STEAP3: variants seen among roughly 807,000 people sequenced by gnomAD.
STEAP3 encodes STEAP3 metalloreductase, also known as metalloreductase STEAP3.
STEAP3 carries 35 observed loss-of-function variants against 34.9 expected under a neutral mutation model. The observed-to-expected ratio is 1.00, with a 90% CI of 0.76 to 1.33. The LOEUF is 1.33. Ranked by LOEUF, STEAP3 falls within the 40% of genes most tolerant of loss-of-function variation. The pLI is 0.00. For missense variants in STEAP3, 652 were observed against 667.6 expected (o/e 0.98, Z 0.26); for synonymous variants, 281 against 301.6 (o/e 0.93, Z 0.71).
At chr2:119,241,551 T>C (rs1310296545) in intron 2 of STEAP3, among the ~76,000 whole-genome samples, 1 of 152,232 alleles carries the variant, frequency 6.6e-6, no homozygotes, top group Non-Finnish European at 1.5e-5. Context: ...CTAGGACTTT[T>C]CATAGCACCC....
rs1277503694 is a variant in STEAP3 at position 119,264,310 on chromosome 2, G to C, written c.*972G>C. 6.6e-6 allele frequency: 1 copy of C among 152,538 alleles called. No homozygotes were observed. Among genetic ancestry groups the C allele is most frequent in the African/African-American group, 2.4e-5 (1 of 41,440 alleles). The allele number at this position is 152,538 out of a possible 1,614,324, so 9.4% of individuals were successfully genotyped here. On this transcript the variant is annotated 3_prime_UTR_variant, in exon 6 of 6. Coordinates refer to ENST00000393110, the MANE Select transcript of STEAP3 (RefSeq NM_182915.3). ...GTAAAGCTCCCCGGGCGTCAGAGTT[G>C]AGCCCTGCCTGGGCTGAAGGACTGT... is the stretch of plus-strand genomic sequence containing the variant.
intron 2 of STEAP3, among the ~76,000 whole-genome samples, chr2:119,236,070 T>A (rs546705778): frequency 6.6e-6 from 1 of 152,358 alleles, no homozygotes; most frequent in East Asian, 1.9e-4. Context: ...GAAATGGGCA[T>A]GTACCTCCAG....
In STEAP3 at chr2:119,264,803, G is replaced by GCCCCCC. The variant is rs138092238; in HGVS notation, c.*1470_*1475dup. On this transcript the variant is annotated 3_prime_UTR_variant, in exon 6 of 6. Coordinates refer to ENST00000393110, the MANE Select transcript of STEAP3 (RefSeq NM_182915.3). ...GAATGTCACAGATGAGGCTGCCCCT[G>GCCCCCC]CCCCCCCCCCGCCAGGGAGGTTTCA... 1 of 128,060 alleles carries GCCCCCC rather than the reference G, an allele frequency of 7.8e-6. No individual in the cohort carries two copies. The highest frequency in any genetic ancestry group is 2.8e-5 in the African/African-American group (1 of 35,300). The allele number at this position is 128,060 out of a possible 1,614,324, so 7.9% of individuals were successfully genotyped here.
chr2:119,247,639 G>A (rs1362342365), intron 3 of STEAP3, 40 bp from the exon 4 acceptor site: 1 of 1,500,888 alleles, frequency 6.7e-7, no homozygotes, highest in Non-Finnish European at 8.8e-7. Flanking sequence ...CACTCCTGTG[G>A]CCTGTGACGC....
At chr2:119,256,607 T>C (rs995075761) in intron 5 of STEAP3, among the ~76,000 whole-genome samples, 14 of 152,304 alleles carry the variant, frequency 9.2e-5, no homozygotes, top group Non-Finnish European at 1.9e-4. Context: ...ACTTTACATA[T>C]TAAAGAGTGG....
chr2:119,250,572 A>T (rs1558754300), intron 4 of STEAP3, among the ~76,000 whole-genome samples: 2 of 152,168 alleles, frequency 1.3e-5, no homozygotes, highest in Non-Finnish European at 2.9e-5. Flanking sequence ...GCAGATCTGC[A>T]TGGAGGAGCC....
Position 119,254,634 on chromosome 2 carries a change from G to A in STEAP3, c.1051-50G>A, listed in dbSNP as rs200404039. The A allele has an allele frequency of 1.0e-3, 1,669 of 1,606,958 alleles. 1 individual carries two copies. The highest frequency in any genetic ancestry group is 1.8e-3 in the Middle Eastern group (11 of 6,024). On this transcript the variant is annotated intron_variant, in intron 4 of 5. Coordinates refer to ENST00000393110, the MANE Select transcript of STEAP3 (RefSeq NM_182915.3). ...GTGTCCTTCATCATTGCCCTCCCGGGGCACCAGCCTTTGCCACAGTGTTCA... is the reference window on the plus strand; with the variant it reads ...GTGTCCTTCATCATTGCCCTCCCGGAGCACCAGCCTTTGCCACAGTGTTCA...
intron 1 of STEAP3, among the ~76,000 whole-genome samples, 195 bp from the exon 2 acceptor site, chr2:119,230,425 T>C (rs553093424): frequency 2.6e-5 from 4 of 152,244 alleles, no homozygotes; most frequent in East Asian, 3.9e-4. Flanking sequence ...AAGATGACAA[T>C]GAAGCCTTTG....
chr2:119,236,143 C>A (rs1247208018), intron 2 of STEAP3, among the ~76,000 whole-genome samples: 1 of 152,178 alleles, frequency 6.6e-6, no homozygotes, highest in Non-Finnish European at 1.5e-5. Flanking sequence ...AGGCAGAGAA[C>A]ACCGTGTATT....
chr2:119,245,991 A>T lies in STEAP3; in HGVS notation c.522+3A>T. The T allele has an allele frequency of 1.2e-6, 2 of 1,610,106 alleles. No individual in the cohort carries two copies. The highest frequency in any genetic ancestry group is 1.7e-6 in the Non-Finnish European group (2 of 1,177,682). On this transcript the variant is annotated splice_donor_region_variant and intron_variant, in intron 3 of 5. Transcript: ENST00000393110. The stretch of plus-strand genomic sequence containing the variant: ...GCCCAAGGGATGGTAACAGGCAGGT[A>T]GGTTCTGGGGGAATAATACCCATCG...
At chr2:119,257,624 G>T in intron 5 of STEAP3, 1 of 1,493,846 alleles carries the variant, frequency 6.7e-7, no homozygotes, top group Non-Finnish European at 8.9e-7. Flanking sequence ...GTCATCAAGA[G>T]GATTTGAGCT....
chr2:119,228,670 C>G (rs1423380970), intron 1 of STEAP3, among the ~76,000 whole-genome samples: 2 of 152,176 alleles, frequency 1.3e-5, no homozygotes, highest in African/African-American at 4.8e-5. Context: ...GCCCTGCCCT[C>G]CTGGTGTTCC....
At chr2:119,226,824 T>C (rs1679055162) in intron 1 of STEAP3, among the ~76,000 whole-genome samples, 1 of 152,156 alleles carries the variant, frequency 6.6e-6, no homozygotes, top group African/African-American at 2.4e-5. Context: ...CCAAACACTT[T>C]ATCTACAGGA....
At chr2:119,247,547 G>C (rs550910347) in intron 3 of STEAP3, 132 bp from the exon 4 acceptor site, 2 of 1,089,382 alleles carry the variant, frequency 1.8e-6, no homozygotes, top group African/African-American at 3.2e-5. Context: ...GCTCCCACCT[G>C]TACCATTGAC....
At chr2:119,251,034 G>C (rs1240553134) in intron 4 of STEAP3, among the ~76,000 whole-genome samples, 4 of 152,192 alleles carry the variant, frequency 2.6e-5, no homozygotes, top group Admixed American at 6.5e-5. Flanking sequence ...CAGCAGCCCA[G>C]ATACGGGGAG....
intron 2 of STEAP3, among the ~76,000 whole-genome samples, chr2:119,232,956 G>C (rs1291847084): frequency 6.6e-6 from 1 of 152,210 alleles, no homozygotes; most frequent in African/African-American, 2.4e-5. Context: ...TACTTGCGGG[G>C]AAGGCACTTC....
intron 3 of STEAP3, 66 bp from the exon 4 acceptor site, chr2:119,247,613 T>C (rs928723767): frequency 4.1e-6 from 6 of 1,465,266 alleles, no homozygotes; most frequent in Non-Finnish European, 5.4e-6. Flanking sequence ...CCTCAGCTGC[T>C]CAGTGAGGCC....
intron 3 of STEAP3, among the ~76,000 whole-genome samples, chr2:119,247,233 G>A (rs769615736): frequency 2.0e-5 from 3 of 152,178 alleles, no homozygotes; most frequent in Non-Finnish European, 4.4e-5. Flanking sequence ...ATCAAGGGGG[G>A]TGATTCTGAA....
At chr2:119,231,342 CGTGTGTGTGTGTGTGTGTGTGTGTGT>C (rs6146901) in intron 2 of STEAP3, among the ~76,000 whole-genome samples, 10 of 143,606 alleles carry the variant, frequency 7.0e-5, no homozygotes, top group South Asian at 2.3e-4. Context: ...CACACAGTTG[CGTGTGTGTGTGTGTGTGTGTGTGTGT>C]GTGTGTGTGT....
Sources: gnomAD v4.1 joint callset for allele counts (sites outside exome capture counted in the v4.1 genomes callset) on GRCh38, gnomAD v4.1.1 for gene constraint, MANE v1.5 for transcripts, NCBI Gene and HGNC (gene_info 2026-07-23, HGNC 2026-07-21) for gene names.